Variants in UTRN observed in about 807,000 individuals in gnomAD.
UTRN encodes the protein dystrophin-related protein 1.
A neutral mutation model predicts 463.9 loss-of-function variants in UTRN; 283 were observed. That is an observed-to-expected ratio of 0.61 (90% CI 0.55 to 0.67). The LOEUF is 0.67. Among genes scored for constraint, UTRN ranks in the 30% least tolerant of loss-of-function variants. The pLI is 0.00. For missense variants in UTRN, 3,922 were observed against 4,084.3 expected, an observed-to-expected ratio of 0.96 and a Z score of 1.08; for synonymous variants, 1,442 against 1,431.5, an observed-to-expected ratio of 1.01 and a Z score of -0.17.
intron 66 of UTRN, among the ~76,000 whole-genome samples, chr6:144,822,236 T>C (rs1198289648): frequency 2.0e-5 from 3 of 152,096 alleles, no homozygotes; most frequent in African/African-American, 7.2e-5. Flanking sequence ...CCTCAAACTT[T>C]GCTAAATTTA....
chr6:144,387,695 C>A (rs1781535628), intron 2 of UTRN, among the ~76,000 whole-genome samples: 1 of 152,154 alleles, frequency 6.6e-6, no homozygotes, highest in Non-Finnish European at 1.5e-5. Flanking sequence ...TGTAAACCGG[C>A]AAGTTTCATT....
chr6:144,681,233 TAGAC>T (rs1449247303), intron 52 of UTRN, among the ~76,000 whole-genome samples: 1 of 152,066 alleles, frequency 6.6e-6, no homozygotes, highest in South Asian at 2.1e-4. Flanking sequence ...GTAGGTGAAA[TAGAC>T]AGACGGGAGG....
chr6:144,544,137 A>G (rs1281755119), intron 46 of UTRN, among the ~76,000 whole-genome samples: 1 of 152,242 alleles, frequency 6.6e-6, no homozygotes, highest in South Asian at 2.1e-4. Flanking sequence ...TACAACTTCC[A>G]TTAGGTGGAT....
intron 65 of UTRN, among the ~76,000 whole-genome samples, chr6:144,820,495 A>G (rs62427250): frequency 0.51 from 77,740 of 151,912 alleles, 22,677 homozygotes; most frequent in East Asian, 0.9. Context: ...TGTGGTTAAA[A>G]CCACAATACT....
At chr6:144,428,719 A>C in intron 7 of UTRN, 59 bp from the exon 8 acceptor site, 1 of 943,808 alleles carries the variant, frequency 1.1e-6, no homozygotes, top group Non-Finnish European at 1.6e-6. Context: ...GATTATAACA[A>C]TGCCTACTTT....
chr6:144,831,183 A>G (rs1251175394), intron 69 of UTRN, among the ~76,000 whole-genome samples: 6 of 152,210 alleles, frequency 3.9e-5, no homozygotes, highest in Non-Finnish European at 7.3e-5. Context: ...AAAGATGTCC[A>G]CATCCTAATC....
chr6:144,758,320 A>T (rs1792236116), intron 58 of UTRN: 2 of 172,176 alleles, frequency 1.2e-5, no homozygotes, highest in African/African-American at 2.4e-5. Flanking sequence ...AAAAAAAAAA[A>T]ATTGGAGAAA....
At chr6:144,806,001 G>A (rs1476206584) in intron 65 of UTRN, among the ~76,000 whole-genome samples, 2 of 152,090 alleles carry the variant, frequency 1.3e-5, no homozygotes, top group Non-Finnish European at 2.9e-5. Flanking sequence ...TACATGAATA[G>A]CTATTATAGA....
intron 13 of UTRN, among the ~76,000 whole-genome samples, chr6:144,442,639 C>T (rs543777182): frequency 3.1e-4 from 47 of 152,268 alleles, no homozygotes; most frequent in African/African-American, 1.1e-3. Flanking sequence ...TGCAGGGAAA[C>T]TCCCTTTTGT....
chr6:144,514,434 G>A (rs1460985473), intron 36 of UTRN, among the ~76,000 whole-genome samples: 1 of 152,080 alleles, frequency 6.6e-6, no homozygotes, highest in East Asian at 1.9e-4. Flanking sequence ...GTATTCTCCA[G>A]CGAGTCTTAC....
Position 144,543,571 on chromosome 6 carries a change from G to A in UTRN, c.6595+701G>A, listed in dbSNP as rs77385266. On this transcript the variant is annotated intron_variant, in intron 46 of 74. Coordinates refer to ENST00000367545, the MANE Select transcript of UTRN (RefSeq NM_007124.3). ...CACTCACTCCCTGACAGCTGCTTCT[G>A]CTGATTCTTTTTATTGCTCCTCCCC... Among the ~76,000 whole-genome samples, 810 of 152,062 alleles carry A rather than the reference G, an allele frequency of 5.3e-3. 24 individuals carry two copies. In the East Asian group the frequency reaches 0.094, roughly 18 times the overall value.
At chr6:144,421,380 C>T (rs1784814592) in intron 3 of UTRN, among the ~76,000 whole-genome samples, 1 of 152,050 alleles carries the variant, frequency 6.6e-6, no homozygotes, top group Non-Finnish European at 1.5e-5. Context: ...TGTATTTGTA[C>T]TTGTTCTTTC....
chr6:144,294,030 A>G (rs1335886423), intron 2 of UTRN, among the ~76,000 whole-genome samples: 2 of 152,102 alleles, frequency 1.3e-5, no homozygotes, highest in African/African-American at 4.8e-5. Flanking sequence ...ATAAATGTTA[A>G]TAGTGGTCAT....
At chr6:144,794,108 A>G in intron 63 of UTRN, 117 bp downstream of exon 63, 6 of 1,379,684 alleles carry the variant, frequency 4.3e-6, no homozygotes, top group Non-Finnish European at 5.8e-6. Context: ...TTTGGGTACC[A>G]TCCAACAAGT....
chr6:144,760,253 T>C (rs1006895830), intron 58 of UTRN, among the ~76,000 whole-genome samples: 3 of 152,096 alleles, frequency 2.0e-5, no homozygotes, highest in African/African-American at 7.2e-5. Context: ...ATGGGGCAGA[T>C]TGGTAGAATA....
At chr6:144,706,287 G>A (rs1193601474) in intron 53 of UTRN, among the ~76,000 whole-genome samples, 1 of 150,792 alleles carries the variant, frequency 6.6e-6, no homozygotes, top group African/African-American at 2.4e-5. Context: ...CCATTGATCA[G>A]GAAAAGTCTT....
intron 3 of UTRN, among the ~76,000 whole-genome samples, chr6:144,405,007 C>T (rs1315733444): frequency 6.6e-6 from 1 of 152,086 alleles, no homozygotes; most frequent in African/African-American, 2.4e-5. Context: ...ATTTGTATTT[C>T]TTACCAAGAT....
Position 144,522,047 on chromosome 6 carries a change from C to T in UTRN, c.5609C>T (p.Thr1870Ile). Residue 1870 changes from threonine (T) to isoleucine (I), a missense_variant, in exon 40 of 75, where the codon ACA (threonine) becomes ATA (isoleucine). Physicochemically the swap from Thr to Ile is moderately conservative, Grantham distance 89. Transcript: ENST00000367545. Reference protein sequence around the residue: ...ASGIRSSLLPTDYLVEINKIL... With the variant: ...ASGIRSSLLPIDYLVEINKIL... ...GGAATTAGATCATCACTTCTTCCTA[C>T]AGATTATCTGGTTGAAATTAACAAA... is the stretch of plus-strand genomic sequence containing the variant. 6 of 1,593,026 alleles carry T rather than the reference C, an allele frequency of 3.8e-6. No homozygotes were observed. The highest frequency in any genetic ancestry group is 5.1e-6 in the Non-Finnish European group (6 of 1,171,422).
intron 18 of UTRN, among the ~76,000 whole-genome samples, chr6:144,453,095 G>A (rs1041199055): frequency 6.6e-5 from 10 of 151,986 alleles, no homozygotes; most frequent in African/African-American, 1.9e-4. Context: ...AAATAATACT[G>A]AGCCTCAAAA....
Sources: allele counts gnomAD v4.1 joint callset (sites outside exome capture counted in the v4.1 genomes callset), GRCh38; gene constraint gnomAD v4.1.1; transcripts MANE v1.5; gene names NCBI Gene and HGNC (gene_info 2026-07-23, HGNC 2026-07-21).